The following ACYP2 variants were observed in gnomAD, a reference collection of about 807,000 sequenced individuals.
ACYP2 encodes acylphosphatase-2.
A neutral mutation model predicts 11.2 loss-of-function variants in ACYP2; 12 were observed. That is an observed-to-expected ratio of 1.08 (90% CI 0.69 to 1.74). The LOEUF (loss-of-function observed/expected upper bound fraction) is 1.74, where lower values mean the gene tolerates loss of function less well. Ranked by LOEUF, ACYP2 falls within the 40% of genes most tolerant of loss-of-function variation. ACYP2 has a pLI of 0.00. For synonymous variants in ACYP2, 43 were observed against 32.2 expected (o/e 1.33, Z -1.13); for missense variants, 134 against 101.9 (o/e 1.31, Z -1.35).
At position 54,112,842 on chromosome 2, in the gene ACYP2, A is replaced by C. The variant is rs141221906; in HGVS notation, c.278-22611A>C. On this transcript the variant is annotated intron_variant, in intron 4 of 6. Coordinates refer to ENST00000607452, the MANE Select transcript of ACYP2 (RefSeq NM_001320586.2). ...TGTTAGACTGCTGGCAGACACAGCAAATTTTTCAGCTAAGCAAATGTCAAT... is the reference window on the plus strand; with the variant it reads ...TGTTAGACTGCTGGCAGACACAGCACATTTTTCAGCTAAGCAAATGTCAAT... Among the ~76,000 whole-genome samples the C allele has an allele frequency of 1.2e-4, 18 of 152,388 alleles. No homozygotes were observed. In the East Asian group the frequency reaches 2.9e-3, roughly 24 times the overall value.
intron 6 of ACYP2, among the ~76,000 whole-genome samples, chr2:54,298,923 T>C (rs1689620375): frequency 1.3e-5 from 2 of 152,210 alleles, no homozygotes; most frequent in African/African-American, 4.8e-5. Flanking sequence ...AGCTACTTTT[T>C]TTATTTTTTG....
At chr2:54,289,000 T>C (rs570780841) in intron 6 of ACYP2, among the ~76,000 whole-genome samples, 7 of 151,970 alleles carry the variant, frequency 4.6e-5, no homozygotes, top group African/African-American at 7.3e-5. Context: ...CATCTAAAAG[T>C]CATTTGGAAA....
chr2:54,159,063 A>G (rs897660978), intron 6 of ACYP2, among the ~76,000 whole-genome samples: 1 of 152,020 alleles, frequency 6.6e-6, no homozygotes, highest in Admixed American at 6.6e-5. Context: ...TAGGCTTACT[A>G]CTATAAAACC....
At chr2:54,273,085 T>C (rs141037197) in intron 6 of ACYP2, among the ~76,000 whole-genome samples, 1 of 152,212 alleles carries the variant, frequency 6.6e-6, no homozygotes, top group East Asian at 1.9e-4. Context: ...GACAAAGTTG[T>C]TTGGGTTATT....
chr2:54,063,431 T>C (rs530395589), intron 4 of ACYP2, among the ~76,000 whole-genome samples: 26 of 152,202 alleles, frequency 1.7e-4, no homozygotes, highest in Non-Finnish European at 2.5e-4. Flanking sequence ...GACCCTGCTG[T>C]GTGCTCCAGG....
intron 6 of ACYP2, among the ~76,000 whole-genome samples, chr2:54,180,333 C>T (rs898100661): frequency 2.6e-5 from 4 of 151,944 alleles, no homozygotes; most frequent in African/African-American, 9.7e-5. Flanking sequence ...TAACCTTTAG[C>T]CCCCCTCCTT....
chr2:54,102,827 G>C (rs937585491), intron 4 of ACYP2, among the ~76,000 whole-genome samples: 3 of 152,108 alleles, frequency 2.0e-5, no homozygotes, highest in African/African-American at 7.2e-5. Context: ...TCTCTTGCCT[G>C]TTGGCAAAAT....
intron 6 of ACYP2, among the ~76,000 whole-genome samples, chr2:54,295,934 T>C (rs1353653734): frequency 3.3e-5 from 5 of 152,214 alleles, no homozygotes; most frequent in Non-Finnish European, 4.4e-5. Context: ...CTAATTTTTG[T>C]ATTTTTAGTA....
chr2:54,157,853 A>G (rs1330250010), intron 6 of ACYP2, among the ~76,000 whole-genome samples: 2 of 152,174 alleles, frequency 1.3e-5, no homozygotes, highest in Admixed American at 6.5e-5. Flanking sequence ...CTGTCAGTGC[A>G]GAGGGTCTGG....
At chr2:54,181,906 AGG>A (rs1401063254) in intron 6 of ACYP2, among the ~76,000 whole-genome samples, 8 of 152,162 alleles carry the variant, frequency 5.3e-5, no homozygotes, top group Middle Eastern at 3.2e-3. Context: ...ACATTTAAAA[AGG>A]TTCATAAAAC....
At chr2:54,087,088 C>T (rs575818695) in intron 4 of ACYP2, among the ~76,000 whole-genome samples, 1 of 152,316 alleles carries the variant, frequency 6.6e-6, no homozygotes, top group Admixed American at 6.5e-5. Context: ...CCTTTGCACA[C>T]ACTATTGTGT....
At chr2:54,219,852 T>C (rs1384222545) in intron 6 of ACYP2, among the ~76,000 whole-genome samples, 2 of 114,984 alleles carry the variant, frequency 1.7e-5, no homozygotes, top group African/African-American at 6.9e-5. Flanking sequence ...TGTGTGTGTA[T>C]ATAGATGTGT....
chr2:54,095,872 G>C (rs1480655810), intron 4 of ACYP2, among the ~76,000 whole-genome samples: 1 of 3,194 alleles, frequency 3.1e-4, no homozygotes, highest in African/African-American at 1.5e-3. Context: ...CCGGGCAGAG[G>C]TGCCCCTCAC....
intron 6 of ACYP2, among the ~76,000 whole-genome samples, chr2:54,182,556 T>G (rs1014212473): frequency 6.6e-6 from 1 of 152,150 alleles, no homozygotes. Context: ...CAGGCTGGTC[T>G]TGAACTCCTG....
intron 6 of ACYP2, among the ~76,000 whole-genome samples, chr2:54,257,640 A>G (rs1245008724): frequency 6.6e-6 from 1 of 152,260 alleles, no homozygotes; most frequent in Non-Finnish European, 1.5e-5. Flanking sequence ...AAGACAATAC[A>G]GAGCATTAAC....
intron 5 of ACYP2, among the ~76,000 whole-genome samples, chr2:54,136,848 T>G (rs1345114054): frequency 6.6e-6 from 1 of 152,056 alleles, no homozygotes; most frequent in Non-Finnish European, 1.5e-5. Flanking sequence ...TGGTGGCAGA[T>G]GCCTGTAATC....
intron 2 of ACYP2, among the ~76,000 whole-genome samples, chr2:53,990,096 A>T (rs373931866): frequency 3.5e-4 from 53 of 150,206 alleles, no homozygotes; most frequent in African/African-American, 1.3e-3. Flanking sequence ...CTCCTGCCTC[A>T]GCCTCCGGAG....
chr2:54,182,491 G>A (rs886544255), intron 6 of ACYP2, among the ~76,000 whole-genome samples: 1 of 151,982 alleles, frequency 6.6e-6, no homozygotes, highest in East Asian at 1.9e-4. Flanking sequence ...ACAGGCATGC[G>A]TCACCACGCC....
At chr2:54,118,656 G>C (rs974111216) in intron 4 of ACYP2, among the ~76,000 whole-genome samples, 2 of 152,110 alleles carry the variant, frequency 1.3e-5, no homozygotes, top group African/African-American at 4.8e-5. Context: ...GTGGTAACAC[G>C]GTATATAATC....
Sources: gnomAD v4.1 joint callset for allele counts (sites outside exome capture counted in the v4.1 genomes callset) on GRCh38, gnomAD v4.1.1 for gene constraint, MANE v1.5 for transcripts, NCBI Gene and HGNC (gene_info 2026-07-23, HGNC 2026-07-21) for gene names.